The following WWOX variants were observed in gnomAD, a reference collection of about 807,000 sequenced individuals.
The protein encoded by WWOX is WW domain containing oxidoreductase, also known as WW domain-containing oxidoreductase.
Under a neutral mutation model 46.2 loss-of-function variants are expected in WWOX, and 69 were observed. The ratio of observed to expected loss-of-function variants is 1.49; its 90% CI spans 1.23 to 1.82. WWOX has a LOEUF of 1.82. Ranked by LOEUF, WWOX falls within the 40% of genes most tolerant of loss-of-function variation. The pLI, the probability that WWOX is intolerant of heterozygous loss-of-function variation, is 0.00. For missense variants in WWOX, 919 were observed against 542.6 expected (o/e 1.69, Z -6.89); for synonymous variants, 359 against 202.6 (o/e 1.77, Z -6.56).
intron 5 of WWOX, among the ~76,000 whole-genome samples, chr16:78,278,098 A>G (rs1179752220): frequency 2.0e-5 from 3 of 152,252 alleles, no homozygotes; most frequent in Non-Finnish European, 1.5e-5. Flanking sequence ...AATGCCAAAC[A>G]TTTGTTTCTC....
At chr16:79,013,468 C>A (rs1428851911) in intron 8 of WWOX, among the ~76,000 whole-genome samples, 1 of 152,074 alleles carries the variant, frequency 6.6e-6, no homozygotes, top group African/African-American at 2.4e-5. Context: ...TCTGTGTGCT[C>A]TTCTAAGAGT....
intron 8 of WWOX, among the ~76,000 whole-genome samples, chr16:79,117,210 C>T (rs139102980): frequency 5.2e-4 from 79 of 152,148 alleles, no homozygotes; most frequent in African/African-American, 1.5e-3. Flanking sequence ...ACAATTTCAC[C>T]GTGTTGCCCA....
intron 8 of WWOX, among the ~76,000 whole-genome samples, chr16:79,189,938 G>T (rs147867624): frequency 0.02 from 2,976 of 150,652 alleles, 112 homozygotes; most frequent in African/African-American, 0.066. Context: ...TGGGGAAGGG[G>T]GGGGGGATAA....
intron 8 of WWOX, among the ~76,000 whole-genome samples, chr16:78,499,191 C>G (rs901672440): frequency 1.3e-5 from 2 of 152,068 alleles, no homozygotes; most frequent in African/African-American, 4.8e-5. Flanking sequence ...TTGAAGGTGT[C>G]CACGCTGGCC....
chr16:78,857,077 A>G (rs529338230), intron 8 of WWOX, among the ~76,000 whole-genome samples: 94 of 152,368 alleles, frequency 6.2e-4, no homozygotes, highest in African/African-American at 2.2e-3. Context: ...TGGGATCACC[A>G]TTGCATATGT....
chr16:78,305,275 G>T (rs570549656), intron 5 of WWOX, among the ~76,000 whole-genome samples: 1 of 152,054 alleles, frequency 6.6e-6, no homozygotes, highest in Non-Finnish European at 1.5e-5. Flanking sequence ...TCCAGCTGCT[G>T]TGATGATCCT....
intron 8 of WWOX, chr16:78,691,106 G>A: frequency 1.6e-6 from 1 of 622,848 alleles, no homozygotes; most frequent in Non-Finnish European, 2.9e-6. Flanking sequence ...AGAGTGCTTT[G>A]AATACCAGTC....
At chr16:78,939,214 C>T (rs1241646890) in intron 8 of WWOX, among the ~76,000 whole-genome samples, 1 of 152,084 alleles carries the variant, frequency 6.6e-6, no homozygotes, top group Non-Finnish European at 1.5e-5. Flanking sequence ...CATGGAGCAT[C>T]TTCTGTCTGC....
intron 8 of WWOX, among the ~76,000 whole-genome samples, chr16:79,011,693 G>A (rs894326044): frequency 8.6e-5 from 13 of 151,456 alleles, no homozygotes; most frequent in African/African-American, 1.5e-4. Context: ...AGTTTTTGCC[G>A]TGTTGCCGAG....
chr16:78,220,806 A>T (rs1597368285), intron 5 of WWOX, among the ~76,000 whole-genome samples: 1 of 152,136 alleles, frequency 6.6e-6, no homozygotes. Flanking sequence ...GCGGCTAGGG[A>T]AGGGAGGTTG....
At chr16:78,945,411 A>G (rs73584239) in intron 8 of WWOX, among the ~76,000 whole-genome samples, 5,435 of 152,256 alleles carry the variant, frequency 0.036, 332 homozygotes, top group African/African-American at 0.12. Flanking sequence ...TAATGCATCT[A>G]AAGTCTCTGT....
chr16:78,950,122 T>G (rs1284607276), intron 8 of WWOX, among the ~76,000 whole-genome samples: 1 of 152,178 alleles, frequency 6.6e-6, no homozygotes, highest in Non-Finnish European at 1.5e-5. Context: ...TGTTTTTGTT[T>G]TTGTATTTTG....
intron 8 of WWOX, among the ~76,000 whole-genome samples, chr16:79,020,173 G>A (rs542295393): frequency 3.9e-5 from 6 of 152,282 alleles, no homozygotes; most frequent in African/African-American, 1.2e-4. Context: ...AAGGAGGAAG[G>A]AAGAAAAGAG....
intron 8 of WWOX, among the ~76,000 whole-genome samples, chr16:78,943,307 C>T (rs1010956450): frequency 2.0e-5 from 3 of 147,280 alleles, no homozygotes; most frequent in East Asian, 1.9e-4. Context: ...GTACGCTAAA[C>T]GAGTAAAAAG....
intron 5 of WWOX, among the ~76,000 whole-genome samples, chr16:78,380,435 T>C (rs2081928966): frequency 6.6e-6 from 1 of 152,154 alleles, no homozygotes; most frequent in South Asian, 2.1e-4. Context: ...AAATAACTGC[T>C]GTGGGGCAAG....
chr16:78,758,848 C>T (rs1366559744), intron 8 of WWOX, among the ~76,000 whole-genome samples: 1 of 150,756 alleles, frequency 6.6e-6, no homozygotes, highest in South Asian at 2.1e-4. Flanking sequence ...TATCACTAAC[C>T]ATTTGAAGAT....
chr16:78,366,073 T>A (rs1567527964), intron 5 of WWOX, among the ~76,000 whole-genome samples: 1 of 152,176 alleles, frequency 6.6e-6, no homozygotes, highest in Non-Finnish European at 1.5e-5. Flanking sequence ...AAATGTCTGT[T>A]CTTAGCACCC....
intron 8 of WWOX, among the ~76,000 whole-genome samples, chr16:78,668,587 G>A (rs1294613607): frequency 6.6e-6 from 1 of 152,170 alleles, no homozygotes; most frequent in South Asian, 2.1e-4. Context: ...AGAGAGGTAG[G>A]TGAGAGACAG....
intron 8 of WWOX, among the ~76,000 whole-genome samples, chr16:79,115,360 T>G (rs180704409): frequency 6.6e-6 from 1 of 152,168 alleles, no homozygotes; most frequent in South Asian, 2.1e-4. Context: ...TCAGGACTTA[T>G]ATGGTGCAGG....
Sources: gnomAD v4.1 joint callset for allele counts (sites outside exome capture counted in the v4.1 genomes callset) on GRCh38, gnomAD v4.1.1 for gene constraint, MANE v1.5 for transcripts, NCBI Gene and HGNC (gene_info 2026-07-23, HGNC 2026-07-21) for gene names.